The following TLK1 variants were observed in gnomAD, a reference collection of about 807,000 sequenced individuals.
TLK1 encodes serine/threonine-protein kinase tousled-like 1.
In TLK1, 24 loss-of-function variants were observed where a neutral mutation model predicts 105.3. The observed-to-expected ratio is 0.23, with a 90% confidence interval of 0.17 to 0.32. The LOEUF is 0.32. Ranked by LOEUF, TLK1 falls within the 10% of genes least tolerant of loss-of-function variation. The pLI is 1.00. For missense variants in TLK1, 558 were observed against 910.5 expected (o/e 0.61, Z 4.98); for synonymous variants, 321 against 310.4 (o/e 1.03, Z -0.36).
Position 170,998,048 on chromosome 2 carries a change from A to C in TLK1, c.1905-225T>G, listed in dbSNP as rs144448556. ...ATAAAGTTCATCTCTATCTATCTTT[A>C]TCTATCTATCTATCTATCTATCTAT... On this transcript the variant is annotated intron_variant, in intron 18 of 20. Coordinates refer to ENST00000431350, the MANE Select transcript of TLK1 (RefSeq NM_012290.5). 2.4e-4 allele frequency among the ~76,000 whole-genome samples: 26 copies of C among 106,962 alleles called. 1 individual carries two copies. The highest frequency in any genetic ancestry group is 4.9e-3 in the Middle Eastern group (1 of 206). The allele number at this position is 106,962 out of a possible 152,430, so 70.2% of individuals were successfully genotyped here. A position where few individuals can be genotyped will look rare whatever the true frequency, so the allele number is the denominator to read the frequency against.
At position 171,006,943 on chromosome 2, in the gene TLK1, T is replaced by C. The variant is rs546513352; in HGVS notation, c.1508+29A>G. 62 of 1,603,520 alleles carry C rather than the reference T, an allele frequency of 3.9e-5. 1 individual carries two copies. The South Asian group carries it at 7.0e-4, about 18-fold the overall frequency. On this transcript the variant is annotated intron_variant, in intron 15 of 20. Transcript: ENST00000431350. ...ATGATCATTCAAAAAATATTCAATT[T>C]TAAAAAACCATAAAGTATTAGTATT... is the stretch of plus-strand genomic sequence containing the variant.
intron 13 of TLK1, among the ~76,000 whole-genome samples, chr2:171,012,465 C>T (rs747221189): frequency 3.9e-5 from 6 of 152,032 alleles, no homozygotes; most frequent in Admixed American, 6.6e-5. Flanking sequence ...AATACTAATA[C>T]ACTGTATTTT....
Position 170,991,999 on chromosome 2 carries a change from T to C in TLK1, c.*1781A>G, listed in dbSNP as rs566048319. The C allele has an allele frequency of 6.6e-5, 10 of 152,104 alleles. No homozygotes were observed. Among genetic ancestry groups the C allele is most frequent in the African/African-American group, 2.4e-4 (10 of 41,486 alleles). 9.4% of individuals were successfully genotyped at this position (152,104 alleles called of 1,614,324 possible). A position where few individuals can be genotyped will look rare whatever the true frequency, so the allele number is the denominator to read the frequency against. On this transcript the variant is annotated 3_prime_UTR_variant, in exon 21 of 21. Transcript: ENST00000431350. Reference sequence around the variant, plus strand: ...GTTCTAAGTGTTACTTACCCAGGAGTTGCCTTGATAATGGTTATTAGGTTT... The same window carrying C: ...GTTCTAAGTGTTACTTACCCAGGAGCTGCCTTGATAATGGTTATTAGGTTT...
chr2:171,003,802 A>T (rs752622991), intron 18 of TLK1, among the ~76,000 whole-genome samples: 17 of 152,244 alleles, frequency 1.1e-4, no homozygotes, highest in Admixed American at 6.5e-5. Flanking sequence ...TCTCAACTGC[A>T]AATAGCACCA....
chr2:171,020,421 T>A (rs572332315), intron 12 of TLK1, among the ~76,000 whole-genome samples: 1 of 151,866 alleles, frequency 6.6e-6, no homozygotes, highest in African/African-American at 2.4e-5. Context: ...GAGCCTGTAG[T>A]CCCAGCTACT....
intron 1 of TLK1, among the ~76,000 whole-genome samples, chr2:171,210,289 T>A (rs1283467867): frequency 6.6e-6 from 1 of 151,978 alleles, no homozygotes; most frequent in Non-Finnish European, 1.5e-5. Flanking sequence ...TTTTTTTTTT[T>A]TATAGGAGAC....
At chr2:171,178,414 A>C (rs559144006) in intron 1 of TLK1, among the ~76,000 whole-genome samples, 1 of 152,304 alleles carries the variant, frequency 6.6e-6, no homozygotes, top group South Asian at 2.1e-4. Flanking sequence ...TGGAGCTTTC[A>C]GTTACAGACA....
rs779544537 is a variant in TLK1, at chr2:171,160,459, C to A, written c.-31G>T. 5.1e-6 allele frequency: 8 copies of A among 1,583,116 alleles called. No homozygotes were observed. The highest frequency in any genetic ancestry group is 5.1e-6 in the Non-Finnish European group (6 of 1,167,974). On this transcript the variant is annotated 5_prime_UTR_variant, in exon 1 of 21. Coordinates refer to ENST00000431350, the MANE Select transcript of TLK1 (RefSeq NM_012290.5). This position sits in a 1 kb window ranked among gnomAD's most constrained non-coding sequence, Gnocchi z 4.4. ...TACTTTCTGGGAACCCGACTCCCCC[C>A]CTGCGACGGCAGCGGCGGCAACGGC...
chr2:171,230,706 CA>C (rs71943669), intron 1 of TLK1, among the ~76,000 whole-genome samples: 4,106 of 152,282 alleles, frequency 0.027, 182 homozygotes, highest in East Asian at 0.17. Context: ...TGACCTGCCC[CA>C]ATTCATCAGG....
intron 1 of TLK1, among the ~76,000 whole-genome samples, chr2:171,196,207 C>T (rs1403799784): frequency 6.6e-6 from 1 of 151,604 alleles, no homozygotes; most frequent in Non-Finnish European, 1.5e-5. Context: ...ACCTCTACCT[C>T]CCGGGTTCAA....
intron 13 of TLK1, among the ~76,000 whole-genome samples, chr2:171,012,591 G>A (rs1459558079): frequency 6.6e-6 from 1 of 151,954 alleles, no homozygotes; most frequent in African/African-American, 2.4e-5. Flanking sequence ...CAATTCTTCT[G>A]CCTCAGTCTC....
At chr2:171,056,365 C>T (rs1031217768) in intron 6 of TLK1, 106 bp downstream of exon 6, 2 of 768,968 alleles carry the variant, frequency 2.6e-6, no homozygotes, top group African/African-American at 3.6e-5. Flanking sequence ...TAAATGCTAA[C>T]TTATTTATAT....
At chr2:171,106,429 T>A (rs762225374) in intron 2 of TLK1, among the ~76,000 whole-genome samples, 3 of 152,216 alleles carry the variant, frequency 2.0e-5, no homozygotes, top group Non-Finnish European at 2.9e-5. Flanking sequence ...TGTCTCTACA[T>A]GTAATATCAC....
chr2:170,997,243 G>A (rs933776706), intron 19 of TLK1, among the ~76,000 whole-genome samples: 3 of 152,066 alleles, frequency 2.0e-5, no homozygotes, highest in African/African-American at 7.2e-5. Context: ...GTGGGATGTG[G>A]GCTAGTTAAT....
chr2:171,081,754 C>T, intron 3 of TLK1: 1 of 1,256,288 alleles, frequency 8.0e-7, no homozygotes, highest in Non-Finnish European at 1.1e-6. Context: ...TGCCATACTC[C>T]TTTGTAGTGT....
At chr2:171,196,607 A>G (rs1018247471) in intron 1 of TLK1, among the ~76,000 whole-genome samples, 3 of 152,216 alleles carry the variant, frequency 2.0e-5, no homozygotes, top group Admixed American at 2.0e-4. Context: ...CTTCCCAGCT[A>G]CATGGACAGA....
chr2:171,137,951 T>C (rs1195645694), intron 1 of TLK1, among the ~76,000 whole-genome samples: 1 of 152,170 alleles, frequency 6.6e-6, no homozygotes, highest in East Asian at 1.9e-4. Flanking sequence ...TATACAACTA[T>C]TCAGTTATAC....
Position 171,053,761 on chromosome 2 carries a change from C to A in TLK1, c.732G>T (p.Arg244Ser), listed in dbSNP as rs1481707035. ...KKEGRIDDLL[R>S]ANCDLRRQID... is the part of the protein sequence containing the mutation. Reference sequence around the variant, plus strand: ...TTCCCCTCTATGACTCATTACTTACCCTGAGCAAATCATCTATACGTCCCT... The same window carrying A: ...TTCCCCTCTATGACTCATTACTTACACTGAGCAAATCATCTATACGTCCCT... Residue 244 changes from arginine (R) to serine (S), a missense_variant and splice_region_variant, in exon 8 of 21, where the codon AGG (arginine) becomes AGT (serine). Physicochemically the swap from Arg to Ser is moderately radical, Grantham distance 110. Transcript: ENST00000431350. 1.3e-6 allele frequency: 2 copies of A among 1,599,552 alleles called. No homozygotes were observed. Among genetic ancestry groups the A allele is most frequent in the Non-Finnish European group, 1.7e-6 (2 of 1,173,332 alleles).
intron 3 of TLK1, among the ~76,000 whole-genome samples, chr2:171,063,351 C>G (rs1439985377): frequency 2.0e-5 from 3 of 151,980 alleles, no homozygotes; most frequent in African/African-American, 4.8e-5. Flanking sequence ...ATCTCAAAAA[C>G]AAAAGAACCC....
Sources: allele counts gnomAD v4.1 joint callset (sites outside exome capture counted in the v4.1 genomes callset), GRCh38; gene constraint gnomAD v4.1.1; non-coding constraint Gnocchi (gnomAD v3.1); transcripts MANE v1.5; gene names NCBI Gene and HGNC (gene_info 2026-07-23, HGNC 2026-07-21).